ZFPM2: variants seen among roughly 807,000 people sequenced by gnomAD.
The protein encoded by ZFPM2 is zinc finger protein ZFPM2.
A neutral mutation model predicts 98.6 loss-of-function variants in ZFPM2; 20 were observed. The observed-to-expected ratio is 0.20, with a 90% CI of 0.14 to 0.29. The LOEUF (loss-of-function observed/expected upper bound fraction) is 0.29, where lower values mean the gene tolerates loss of function less well. ZFPM2 is among the 10% of genes least tolerant of loss of function. The pLI is 1.00. For synonymous variants in ZFPM2, 518 were observed against 502.7 expected (o/e 1.03, Z -0.41); for missense variants, 1,310 against 1,388.6 (o/e 0.94, Z 0.90).
intron 1 of ZFPM2, among the ~76,000 whole-genome samples, chr8:105,329,826 T>G (rs1052677479): frequency 2.0e-5 from 3 of 151,706 alleles, no homozygotes; most frequent in Non-Finnish European, 4.4e-5. Flanking sequence ...AGTGAATGAT[T>G]GTGCTGTAAT....
At chr8:105,612,866 G>C (rs1816334571) in intron 4 of ZFPM2, among the ~76,000 whole-genome samples, 1 of 152,042 alleles carries the variant, frequency 6.6e-6, no homozygotes, top group Admixed American at 6.6e-5. Flanking sequence ...GATAATTTTG[G>C]TTTTACTAGG....
intron 5 of ZFPM2, chr8:105,785,038 C>T (rs1011313648): frequency 7.8e-6 from 1 of 128,412 alleles, no homozygotes; most frequent in African/African-American, 5.0e-5. Flanking sequence ...ATCTTCTCTG[C>T]ACACTTCCTA....
At chr8:105,653,426 A>G (rs769291165) in intron 5 of ZFPM2, among the ~76,000 whole-genome samples, 10 of 152,360 alleles carry the variant, frequency 6.6e-5, no homozygotes, top group Non-Finnish European at 1.2e-4. Context: ...ACTATGATAT[A>G]GCTTGTCCAT....
chr8:105,446,112 G>GT (rs1812364586), intron 3 of ZFPM2, among the ~76,000 whole-genome samples: 1 of 151,984 alleles, frequency 6.6e-6, no homozygotes, highest in South Asian at 2.1e-4. Flanking sequence ...AGTAGAGACG[G>GT]GGTTTCACCA....
intron 1 of ZFPM2, among the ~76,000 whole-genome samples, chr8:105,322,451 CT>C (rs11303818): frequency 0.67 from 83,967 of 125,058 alleles, 27,766 homozygotes; most frequent in East Asian, 0.82. Context: ...GTGGACATCA[CT>C]TTTTTTTTTT....
Position 105,798,744 on chromosome 8 carries a change from T to G in ZFPM2, c.760T>G (p.Ser254Ala), listed in dbSNP as rs953556550. ...TGCAGAGGATATATTCCCTTGCAAGTCCTGTGGCATCTGGTATCGGAGTGA... is the reference window on the plus strand; with the variant it reads ...TGCAGAGGATATATTCCCTTGCAAGGCCTGTGGCATCTGGTATCGGAGTGA... ...IVNKDIFPCK[S>A]CGIWYRSERN... Residue 254 changes from serine to alanine, a missense_variant, in exon 7 of 8, where the codon TCC becomes GCC. Ser to Ala is a moderately conservative substitution (Grantham distance 99). Coordinates refer to ENST00000407775, the MANE Select transcript of ZFPM2 (RefSeq NM_012082.4). 39 of 1,613,652 alleles carry G rather than the reference T, an allele frequency of 2.4e-5. No individual in the cohort carries two copies. Among genetic ancestry groups the G allele is most frequent in the Admixed American group, 3.3e-5 (2 of 59,956 alleles).
At chr8:105,482,884 T>A (rs184392011) in intron 3 of ZFPM2, among the ~76,000 whole-genome samples, 2,873 of 151,492 alleles carry the variant, frequency 0.019, 89 homozygotes, top group African/African-American at 0.066. Flanking sequence ...TTTCTTTCCT[T>A]CCTTCCTTCC....
At chr8:105,344,431 A>G (rs1358670461) in intron 1 of ZFPM2, among the ~76,000 whole-genome samples, 1 of 152,194 alleles carries the variant, frequency 6.6e-6, no homozygotes, top group Non-Finnish European at 1.5e-5. Flanking sequence ...TCCCACTTTG[A>G]CATTCCTTCT....
intron 5 of ZFPM2, among the ~76,000 whole-genome samples, chr8:105,693,240 G>T (rs2130941785): frequency 6.6e-6 from 1 of 152,304 alleles, no homozygotes; most frequent in Non-Finnish European, 1.5e-5. Flanking sequence ...ATAAGTTAAT[G>T]GAGTAACAGC....
chr8:105,620,010 A>G (rs185335780), intron 4 of ZFPM2, among the ~76,000 whole-genome samples: 73 of 152,290 alleles, frequency 4.8e-4, no homozygotes, highest in African/African-American at 1.7e-3. Flanking sequence ...ATGTGTCTTT[A>G]TAACAGCATG....
chr8:105,731,721 G>A (rs1389445266), intron 5 of ZFPM2, among the ~76,000 whole-genome samples: 1 of 151,630 alleles, frequency 6.6e-6, no homozygotes, highest in Non-Finnish European at 1.5e-5. Context: ...GGAATTTGTT[G>A]TAAGTTCAAT....
At chr8:105,387,730 GGGCTCCACCGTGCAGC>G (rs1811029760) in intron 1 of ZFPM2, 1 of 155,800 alleles carries the variant, frequency 6.4e-6, no homozygotes, top group African/African-American at 2.4e-5. Flanking sequence ...GCCCAGGAAG[GGGCTCCACCGTGCAGC>G]GGCGGGCTGA....
intron 4 of ZFPM2, among the ~76,000 whole-genome samples, chr8:105,632,577 A>C (rs1816773965): frequency 6.6e-6 from 1 of 152,228 alleles, no homozygotes; most frequent in Admixed American, 6.5e-5. Context: ...CTATCATTTC[A>C]TATAGAACAA....
chr8:105,721,641 A>G (rs1025856), intron 5 of ZFPM2, among the ~76,000 whole-genome samples: 68,046 of 151,782 alleles, frequency 0.45, 16,264 homozygotes, highest in African/African-American at 0.62. Flanking sequence ...TTAGGTCACT[A>G]TTGGTTTTCA....
intron 1 of ZFPM2, among the ~76,000 whole-genome samples, chr8:105,352,530 T>C (rs928066000): frequency 6.6e-6 from 1 of 151,996 alleles, no homozygotes; most frequent in Non-Finnish European, 1.5e-5. Flanking sequence ...CTTTTTTACA[T>C]TGTTTTTTCA....
chr8:105,580,666 A>T (rs1245007858), intron 4 of ZFPM2, among the ~76,000 whole-genome samples: 2 of 152,106 alleles, frequency 1.3e-5, no homozygotes, highest in Non-Finnish European at 2.9e-5. Flanking sequence ...TATCCAAAAG[A>T]TTGCAGCACC....
At chr8:105,537,456 G>A (rs1036219756) in intron 3 of ZFPM2, among the ~76,000 whole-genome samples, 7 of 152,126 alleles carry the variant, frequency 4.6e-5, no homozygotes, top group Admixed American at 3.9e-4. Context: ...TGAAAGGACG[G>A]CTTGAGGCCA....
At chr8:105,753,913 T>A (rs1231999779) in intron 5 of ZFPM2, among the ~76,000 whole-genome samples, 1 of 152,190 alleles carries the variant, frequency 6.6e-6, no homozygotes, top group Non-Finnish European at 1.5e-5. Flanking sequence ...GCACTCAGTA[T>A]GGTCCTTGTA....
chr8:105,489,466 ATT>A (rs369037656), intron 3 of ZFPM2, among the ~76,000 whole-genome samples: 10,092 of 119,288 alleles, frequency 0.085, 345 homozygotes, highest in South Asian at 0.12. Context: ...ATATATATAT[ATT>A]TTTTTTTTTT....
Sources: gnomAD v4.1 joint callset for allele counts (sites outside exome capture counted in the v4.1 genomes callset) on GRCh38, gnomAD v4.1.1 for gene constraint, MANE v1.5 for transcripts, NCBI Gene and HGNC (gene_info 2026-07-23, HGNC 2026-07-21) for gene names.